GPC5: variants seen among roughly 807,000 people sequenced by gnomAD.
GPC5 encodes the protein glypican-5.
In GPC5, 47 loss-of-function variants were observed where a neutral mutation model predicts 53.9. The ratio of observed to expected loss-of-function variants is 0.87; its 90% CI spans 0.69 to 1.11. GPC5 has a LOEUF of 1.11. Ranked by LOEUF, GPC5 falls within the 50% of genes most tolerant of loss-of-function variation. GPC5 has a pLI of 0.00. For synonymous variants in GPC5, 286 were observed against 263.3 expected (o/e 1.09, Z -0.84); for missense variants, 748 against 713.1 (o/e 1.05, Z -0.56).
chr13:91,672,309 G>A (rs2035269181), intron 2 of GPC5, among the ~76,000 whole-genome samples: 1 of 152,158 alleles, frequency 6.6e-6, no homozygotes, highest in Non-Finnish European at 1.5e-5. Flanking sequence ...GCAACCTACA[G>A]AATGGGAGAA....
intron 7 of GPC5, among the ~76,000 whole-genome samples, chr13:92,414,388 C>A (rs1382388748): frequency 2.6e-5 from 4 of 151,850 alleles, no homozygotes; most frequent in Admixed American, 1.3e-4. Flanking sequence ...GCCTGTAATC[C>A]CAGCTACTTG....
At chr13:92,692,754 ATTTTTTTT>A (rs71272284) in intron 7 of GPC5, among the ~76,000 whole-genome samples, 2 of 81,050 alleles carry the variant, frequency 2.5e-5, no homozygotes, top group East Asian at 8.4e-4. Context: ...AATATCGGCT[ATTTTTTTT>A]TTTTTTTTTT....
At chr13:92,016,728 T>TTTTTTTTTTTTCTTC (rs1491276743) in intron 6 of GPC5, among the ~76,000 whole-genome samples, 1 of 45,002 alleles carries the variant, frequency 2.2e-5, no homozygotes, top group East Asian at 3.3e-3. Context: ...TCTTTTCTTC[T>TTTTTTTTTTTTCTTC]TTTTTTTTTT....
intron 7 of GPC5, among the ~76,000 whole-genome samples, chr13:92,587,797 C>A (rs550532291): frequency 6.6e-6 from 1 of 152,052 alleles, no homozygotes; most frequent in Non-Finnish European, 1.5e-5. Flanking sequence ...GCTCTCAAAC[C>A]CCGTCTCCAC....
intron 7 of GPC5, among the ~76,000 whole-genome samples, chr13:92,345,848 A>G (rs994268648): frequency 4.6e-5 from 7 of 152,198 alleles, no homozygotes; most frequent in Non-Finnish European, 1.0e-4. Context: ...TCAGATAGAA[A>G]CAAAGGAGGT....
At chr13:92,665,766 A>C (rs1418499186) in intron 7 of GPC5, among the ~76,000 whole-genome samples, 1 of 152,174 alleles carries the variant, frequency 6.6e-6, no homozygotes, top group Non-Finnish European at 1.5e-5. Flanking sequence ...GTAACACTTC[A>C]AAGCTTAGTC....
intron 6 of GPC5, among the ~76,000 whole-genome samples, chr13:92,139,858 T>C (rs1416634956): frequency 1.3e-5 from 2 of 151,958 alleles, no homozygotes; most frequent in Non-Finnish European, 2.9e-5. Flanking sequence ...GAAGGCAGGG[T>C]AAGCTTAAAT....
intron 7 of GPC5, among the ~76,000 whole-genome samples, chr13:92,747,338 T>A (rs1042495803): frequency 4.6e-5 from 7 of 152,156 alleles, no homozygotes; most frequent in African/African-American, 1.7e-4. Flanking sequence ...CATTATTCCT[T>A]TAAGCCAGAG....
At chr13:92,118,055 TAA>T (rs1410570271) in intron 6 of GPC5, among the ~76,000 whole-genome samples, 8 of 152,208 alleles carry the variant, frequency 5.3e-5, no homozygotes, top group Non-Finnish European at 1.2e-4. Context: ...GAGTCGCCAT[TAA>T]GTGTAATTTA....
chr13:92,408,762 T>C (rs955582399), intron 7 of GPC5, among the ~76,000 whole-genome samples: 1 of 152,188 alleles, frequency 6.6e-6, no homozygotes, highest in South Asian at 2.1e-4. Context: ...TATGAACTGA[T>C]TGCATATTTC....
chr13:92,563,875 A>G (rs1882779484), intron 7 of GPC5, among the ~76,000 whole-genome samples: 1 of 152,036 alleles, frequency 6.6e-6, no homozygotes, highest in Non-Finnish European at 1.5e-5. Flanking sequence ...TTTATGCAAC[A>G]TATCACTTGT....
At chr13:92,502,553 G>A (rs754002006) in intron 7 of GPC5, among the ~76,000 whole-genome samples, 25 of 151,914 alleles carry the variant, frequency 1.6e-4, no homozygotes, top group Admixed American at 2.6e-4. Flanking sequence ...ATGCACACAC[G>A]AACAAAAACA....
intron 7 of GPC5, among the ~76,000 whole-genome samples, chr13:92,424,557 ATAT>A (rs1876739137): frequency 6.6e-6 from 1 of 152,162 alleles, no homozygotes; most frequent in East Asian, 1.9e-4. Flanking sequence ...AAGGTTCATC[ATAT>A]TATTAAGAGA....
intron 6 of GPC5, among the ~76,000 whole-genome samples, chr13:92,058,742 C>T (rs145536559): frequency 6.6e-6 from 1 of 152,148 alleles, no homozygotes; most frequent in Non-Finnish European, 1.5e-5. Context: ...TGGGGTTTTG[C>T]CAGGTTGCCC....
intron 7 of GPC5, among the ~76,000 whole-genome samples, chr13:92,165,009 C>T (rs753625645): frequency 6.6e-6 from 1 of 152,198 alleles, no homozygotes; most frequent in Non-Finnish European, 1.5e-5. Flanking sequence ...CCTGAGACTG[C>T]ACAAAGCGAT....
intron 6 of GPC5, among the ~76,000 whole-genome samples, chr13:92,112,975 TATTAA>T (rs1455013232): frequency 1.3e-5 from 2 of 152,158 alleles, no homozygotes; most frequent in East Asian, 3.8e-4. Flanking sequence ...ACAACCAAAA[TATTAA>T]GTTTATTACC....
At chr13:91,933,783 T>C (rs1188500997) in intron 6 of GPC5, among the ~76,000 whole-genome samples, 1 of 151,980 alleles carries the variant, frequency 6.6e-6, no homozygotes, top group Non-Finnish European at 1.5e-5. Flanking sequence ...CATTGGAATG[T>C]AAGTTCTCTG....
At position 92,646,182 on chromosome 13, in the gene GPC5, A is replaced by C. The variant is rs563944860; in HGVS notation, c.1562-220100A>C. Among the ~76,000 whole-genome samples the C allele has an allele frequency of 2.4e-4, 37 of 152,250 alleles. No individual in the cohort carries two copies. In the South Asian group the frequency reaches 7.3e-3, roughly 30 times the overall value. On this transcript the variant is annotated intron_variant, in intron 7 of 7. Coordinates refer to ENST00000377067, the MANE Select transcript of GPC5 (RefSeq NM_004466.6). ...CATGTTACATTCAGGCCTCTGATCT[A>C]TTTCAACTGAATATTTTTATAACAA...
intron 6 of GPC5, among the ~76,000 whole-genome samples, chr13:92,070,922 A>G (rs922240816): frequency 5.9e-5 from 9 of 152,186 alleles, no homozygotes; most frequent in Non-Finnish European, 1.2e-4. Context: ...TGTGAAACAC[A>G]TTATAGAACT....
Sources: gnomAD v4.1 joint callset for allele counts (sites outside exome capture counted in the v4.1 genomes callset) on GRCh38, gnomAD v4.1.1 for gene constraint, MANE v1.5 for transcripts, NCBI Gene and HGNC (gene_info 2026-07-23, HGNC 2026-07-21) for gene names.